The following TMEM132B variants were observed in gnomAD, a reference collection of about 807,000 sequenced individuals.
The protein encoded by TMEM132B is transmembrane protein 132B.
A neutral mutation model predicts 90.8 loss-of-function variants in TMEM132B; 18 were observed. The ratio of observed to expected loss-of-function variants is 0.20; its 90% CI spans 0.14 to 0.29. The LOEUF is 0.29. Ranked by LOEUF, TMEM132B falls within the 10% of genes least tolerant of loss-of-function variation. The pLI is 1.00. For synonymous variants in TMEM132B, 504 were observed against 523.3 expected (o/e 0.96, Z 0.50); for missense variants, 1,096 against 1,326.8 (o/e 0.83, Z 2.70).
At chr12:125,536,943 C>T (rs1883815084) in intron 4 of TMEM132B, among the ~76,000 whole-genome samples, 1 of 151,958 alleles carries the variant, frequency 6.6e-6, no homozygotes, top group African/African-American at 2.4e-5. Context: ...TCAATACGAG[C>T]CTTACTGTTT....
At chr12:125,437,837 A>G (rs956764442) in intron 3 of TMEM132B, among the ~76,000 whole-genome samples, 2 of 152,158 alleles carry the variant, frequency 1.3e-5, no homozygotes, top group Non-Finnish European at 2.9e-5. Flanking sequence ...CTTAATGAAT[A>G]TGGGTTTTCC....
intron 3 of TMEM132B, among the ~76,000 whole-genome samples, chr12:125,429,204 C>CTT (rs1290390320): frequency 7.0e-6 from 1 of 143,194 alleles, no homozygotes. Flanking sequence ...TGTCCTCTTT[C>CTT]TTTTTTTTTT....
At chr12:125,648,172 C>T (rs1038675444) in intron 6 of TMEM132B, among the ~76,000 whole-genome samples, 13 of 150,634 alleles carry the variant, frequency 8.6e-5, no homozygotes, top group South Asian at 4.2e-4. Context: ...TTTATTCTTG[C>T]GATAGTTTAC....
At chr12:125,302,542 A>G (rs1055915371) in intron 1 of TMEM132B, among the ~76,000 whole-genome samples, 1 of 152,146 alleles carries the variant, frequency 6.6e-6, no homozygotes, top group African/African-American at 2.4e-5. Flanking sequence ...CAGACACACA[A>G]TCTATAACTG....
intron 2 of TMEM132B, among the ~76,000 whole-genome samples, chr12:125,378,889 G>A (rs1012200260): frequency 6.6e-6 from 1 of 152,156 alleles, no homozygotes; most frequent in Non-Finnish European, 1.5e-5. Context: ...TGCTCATATG[G>A]GGAGAAGGAC....
At chr12:125,382,142 T>C (rs867042331) in intron 2 of TMEM132B, among the ~76,000 whole-genome samples, 42 of 152,216 alleles carry the variant, frequency 2.8e-4, no homozygotes, top group African/African-American at 8.9e-4. Context: ...CATTCTTCCT[T>C]GACTGTTTGG....
intron 2 of TMEM132B, among the ~76,000 whole-genome samples, chr12:125,399,875 C>G (rs1480186399): frequency 6.6e-6 from 1 of 152,122 alleles, no homozygotes; most frequent in Non-Finnish European, 1.5e-5. Context: ...AACAACATAA[C>G]GACTGTCTCA....
At chr12:125,592,184 T>C (rs1208370727) in intron 5 of TMEM132B, among the ~76,000 whole-genome samples, 1 of 152,252 alleles carries the variant, frequency 6.6e-6, no homozygotes, top group East Asian at 1.9e-4. Flanking sequence ...TATGTGTCTA[T>C]CTTTTTTACT....
chr12:125,576,748 C>T (rs1037391293), intron 4 of TMEM132B, among the ~76,000 whole-genome samples: 2 of 151,888 alleles, frequency 1.3e-5, no homozygotes, highest in African/African-American at 4.8e-5. Context: ...GTCCTTTGTT[C>T]TATAATTAAG....
intron 5 of TMEM132B, among the ~76,000 whole-genome samples, chr12:125,623,878 G>A (rs1019872801): frequency 6.6e-6 from 1 of 152,196 alleles, no homozygotes; most frequent in African/African-American, 2.4e-5. Context: ...CTTTAAGACA[G>A]TGACTTGTCC....
chr12:125,299,990 G>A (rs1341873219), intron 1 of TMEM132B, among the ~76,000 whole-genome samples: 4 of 152,224 alleles, frequency 2.6e-5, no homozygotes, highest in Non-Finnish European at 4.4e-5. Context: ...ATGGCCTGAG[G>A]CCCTGCAGGG....
chr12:125,569,707 C>T (rs1000996839), intron 4 of TMEM132B, among the ~76,000 whole-genome samples: 2 of 152,062 alleles, frequency 1.3e-5, no homozygotes, highest in African/African-American at 4.8e-5. Flanking sequence ...AGGAGCGGGG[C>T]ACAAGGAATG....
rs1156461079 is a variant in TMEM132B at position 125,349,933 on chromosome 12, G to C, written c.549G>C (p.Gly183=). The C allele has an allele frequency of 6.2e-7, 1 of 1,614,068 alleles. No individual in the cohort carries two copies. ...REVAASCRLQ[G]APGLCVAELE... Reference sequence around the variant, plus strand: ...TGGCAGCCAGCTGTCGGCTGCAAGGGGCCCCAGGGCTGTGTGTGGCTGAGC... The same window carrying C: ...TGGCAGCCAGCTGTCGGCTGCAAGGCGCCCCAGGGCTGTGTGTGGCTGAGC... Residue 183 remains glycine (G), a synonymous_variant, in exon 2 of 9, where the codon GGG becomes GGC. Coordinates refer to ENST00000682704, the MANE Select transcript of TMEM132B (RefSeq NM_001366854.1). This position sits in a 1 kb window ranked among gnomAD's most constrained non-coding sequence, Gnocchi z 4.1.
chr12:125,442,074 A>C (rs1880890477), intron 3 of TMEM132B, among the ~76,000 whole-genome samples: 1 of 152,176 alleles, frequency 6.6e-6, no homozygotes, highest in South Asian at 2.1e-4. Context: ...CCTCTTTTGG[A>C]TTCCACTTTT....
intron 3 of TMEM132B, among the ~76,000 whole-genome samples, chr12:125,418,708 A>G (rs1342795611): frequency 6.6e-6 from 1 of 152,228 alleles, no homozygotes; most frequent in East Asian, 1.9e-4. Context: ...ACTGCCTGAA[A>G]TTCTGTGATA....
intron 5 of TMEM132B, among the ~76,000 whole-genome samples, chr12:125,637,264 A>G (rs1886507738): frequency 6.6e-6 from 1 of 152,200 alleles, no homozygotes; most frequent in Non-Finnish European, 1.5e-5. Flanking sequence ...ACAAAAACTA[A>G]GAATGAACTC....
intron 4 of TMEM132B, among the ~76,000 whole-genome samples, chr12:125,527,615 TCCATCTAC>T (rs1883526699): frequency 8.4e-6 from 1 of 119,722 alleles, no homozygotes; most frequent in Admixed American, 8.2e-5. Flanking sequence ...CATCCACCCT[TCCATCTAC>T]CCATCCACCC....
At chr12:125,235,037 G>C (rs1873902517) in intron 1 of TMEM132B, among the ~76,000 whole-genome samples, 1 of 152,214 alleles carries the variant, frequency 6.6e-6, no homozygotes, top group Non-Finnish European at 1.5e-5. Flanking sequence ...CTAAGCCTCT[G>C]CATGCTAGTT....
rs561393741 is a variant in TMEM132B at position 125,460,588 on chromosome 12, G to T, written c.1106+44911G>T. Reference sequence around the variant, plus strand: ...GAAATCATCTCTCCTTCAGTCCAACGCATTTCACTCTTCAACAGTACTGCT... The same window carrying T: ...GAAATCATCTCTCCTTCAGTCCAACTCATTTCACTCTTCAACAGTACTGCT... On this transcript the variant is annotated intron_variant, in intron 3 of 8. Coordinates refer to ENST00000682704, the MANE Select transcript of TMEM132B (RefSeq NM_001366854.1). This position sits in a 1 kb window ranked among gnomAD's most constrained non-coding sequence, Gnocchi z 4.4. Among the ~76,000 whole-genome samples, 1 of 152,116 alleles carries T rather than the reference G, an allele frequency of 6.6e-6. No homozygotes were observed. The highest frequency in any genetic ancestry group is 1.5e-5 in the Non-Finnish European group (1 of 68,018).
Sources: gnomAD v4.1 joint callset for allele counts (sites outside exome capture counted in the v4.1 genomes callset) on GRCh38, gnomAD v4.1.1 for gene constraint, Gnocchi (gnomAD v3.1) non-coding constraint, MANE v1.5 for transcripts, NCBI Gene and HGNC (gene_info 2026-07-23, HGNC 2026-07-21) for gene names.